Variants in ZBTB5 observed in about 807,000 individuals in gnomAD.
ZBTB5 encodes the protein zinc finger and BTB domain containing 5.
Under a neutral mutation model 37.9 loss-of-function variants are expected in ZBTB5, and 15 were observed. The ratio of observed to expected loss-of-function variants is 0.40; its 90% CI spans 0.26 to 0.61. The LOEUF (loss-of-function observed/expected upper bound fraction) is 0.61, where lower values mean the gene tolerates loss of function less well. Among genes scored for constraint, ZBTB5 ranks in the 20% least tolerant of loss-of-function variants. The probability of loss-of-function intolerance (pLI) is 0.47; values close to 1 mark genes in which losing one functional copy is unlikely to be tolerated. For missense variants in ZBTB5, 708 were observed against 856.8 expected (o/e 0.83, Z 2.17); for synonymous variants, 315 against 312.4 (o/e 1.01, Z -0.09).
rs138751675 is a variant in ZBTB5 at position 37,441,322 on chromosome 9, C to T, written c.1230G>A (p.Ser410=). ...TTCCTCTGCTCTTGTTAAGAAAATT[C>T]GAAATACTAAAAGTGGACTTATGCT... ...NLEHKSTFSI[S]NFLNKSRGNN... is the part of the protein sequence containing the mutation. Residue 410 remains serine, a synonymous_variant, in exon 2 of 2, where the codon TCG becomes TCA. Coordinates refer to ENST00000307750, the MANE Select transcript of ZBTB5 (RefSeq NM_014872.3). 22 of 1,614,068 alleles carry T rather than the reference C, an allele frequency of 1.4e-5. No homozygotes were observed. Among genetic ancestry groups the T allele is most frequent in the Non-Finnish European group, 1.6e-5 (19 of 1,180,024 alleles).
rs1823900100 is a variant in ZBTB5, at chr9:37,442,279, C to G, written c.273G>C (p.Leu91=). 6.2e-7 allele frequency: 1 copy of G among 1,614,090 alleles called. No individual in the cohort carries two copies. The part of the protein sequence containing the change: ...IDMMYTSTLM[L]GESNVMDVLL... ...AGACATCCATTACATTGCTCTCCCC[C>G]AGCATGAGGGTGGAGGTATACATCA... is the stretch of plus-strand genomic sequence containing the variant. Residue 91 remains leucine, a synonymous_variant, in exon 2 of 2, where the codon CTG becomes CTC. Coordinates refer to ENST00000307750, the MANE Select transcript of ZBTB5 (RefSeq NM_014872.3).
intron 1 of ZBTB5, among the ~76,000 whole-genome samples, chr9:37,450,174 G>A (rs958169649): frequency 6.6e-6 from 1 of 152,166 alleles, no homozygotes; most frequent in Non-Finnish European, 1.5e-5. Flanking sequence ...ACTAGAGAGA[G>A]AGCTGTTTTC....
intron 1 of ZBTB5, among the ~76,000 whole-genome samples, chr9:37,443,845 G>A (rs1022790234): frequency 1.3e-5 from 2 of 152,212 alleles, no homozygotes; most frequent in Non-Finnish European, 2.9e-5. Context: ...AGGATCACTT[G>A]AGCCTGGGAG....
intron 1 of ZBTB5, among the ~76,000 whole-genome samples, chr9:37,445,713 G>C (rs1030218043): frequency 3.3e-5 from 5 of 152,116 alleles, no homozygotes; most frequent in African/African-American, 1.2e-4. Context: ...ATTGAAAGTG[G>C]TTGCCTCTGA....
At position 37,440,500 on chromosome 9, in the gene ZBTB5, T is replaced by C; in HGVS notation, c.*18A>G. 1 of 1,610,202 alleles carries C rather than the reference T, an allele frequency of 6.2e-7. No homozygotes were observed. Among genetic ancestry groups the C allele is most frequent in the Admixed American group, 1.7e-5 (1 of 59,856 alleles). On this transcript the variant is annotated 3_prime_UTR_variant, in exon 2 of 2. Coordinates refer to ENST00000307750, the MANE Select transcript of ZBTB5 (RefSeq NM_014872.3). ...AGTCTGACAACTGGCCTCAGCGTTG[T>C]CTTGTAAGGACAAACAGCTAGAGCA...
Position 37,442,274 on chromosome 9 carries a change from T to C in ZBTB5, c.278A>G (p.Glu93Gly), listed in dbSNP as rs1432708870. The change falls in exon 2 of 2, where the codon GAG (glutamate) becomes GGG (glycine). Residue 93 changes from glutamate (E) to glycine (G), a missense_variant. Physicochemically the swap from Glu to Gly is moderately conservative, Grantham distance 98. Coordinates refer to ENST00000307750, the MANE Select transcript of ZBTB5 (RefSeq NM_014872.3). ...CAATAAGACATCCATTACATTGCTC[T>C]CCCCCAGCATGAGGGTGGAGGTATA... ...MMYTSTLMLG[E>G]SNVMDVLLAA... 2 of 1,614,118 alleles carry C rather than the reference T, an allele frequency of 1.2e-6. No homozygotes were observed.
chr9:37,449,268 A>G (rs997401495), intron 1 of ZBTB5, among the ~76,000 whole-genome samples: 10 of 152,212 alleles, frequency 6.6e-5, no homozygotes, highest in Admixed American at 6.5e-4. Context: ...TTCCAAAAAC[A>G]TAAGAGGGGT....
At chr9:37,452,679 G>T (rs1466933445) in intron 1 of ZBTB5, among the ~76,000 whole-genome samples, 1 of 152,228 alleles carries the variant, frequency 6.6e-6, no homozygotes, top group East Asian at 1.9e-4. Context: ...GCCTTAGTGT[G>T]TTCTAGCAGG....
chr9:37,464,758 G>A (rs939355330), intron 1 of ZBTB5, among the ~76,000 whole-genome samples: 4 of 152,200 alleles, frequency 2.6e-5, no homozygotes, highest in Admixed American at 2.6e-4. Flanking sequence ...CCCCTCCAGG[G>A]TCGGCCGCTG....
intron 1 of ZBTB5, among the ~76,000 whole-genome samples, chr9:37,453,580 A>AG (rs1014386504): frequency 1.3e-5 from 2 of 152,110 alleles, no homozygotes; most frequent in Non-Finnish European, 2.9e-5. Context: ...TTTCGGGGAG[A>AG]GGGGGTCCCT....
intron 1 of ZBTB5, among the ~76,000 whole-genome samples, chr9:37,454,186 T>C (rs1216759393): frequency 6.6e-6 from 1 of 152,156 alleles, no homozygotes; most frequent in African/African-American, 2.4e-5. Context: ...TTCAGTTCAT[T>C]TGGGGGATAT....
intron 1 of ZBTB5, among the ~76,000 whole-genome samples, chr9:37,459,505 T>C (rs917761054): frequency 6.6e-6 from 1 of 151,874 alleles, no homozygotes; most frequent in African/African-American, 2.4e-5. Flanking sequence ...CCAACTGATG[T>C]GTAGCATAAA....
At chr9:37,445,188 A>G (rs1218678950) in intron 1 of ZBTB5, among the ~76,000 whole-genome samples, 1 of 152,234 alleles carries the variant, frequency 6.6e-6, no homozygotes, top group African/African-American at 2.4e-5. Context: ...CACTAAACCG[A>G]ATGTGAGATA....
intron 1 of ZBTB5, among the ~76,000 whole-genome samples, chr9:37,447,741 A>C (rs544434038): frequency 6.6e-6 from 1 of 152,288 alleles, no homozygotes; most frequent in Admixed American, 6.5e-5. Context: ...GACTGACTTC[A>C]CAAATAAATA....
intron 1 of ZBTB5, among the ~76,000 whole-genome samples, chr9:37,463,370 C>T (rs1338386572): frequency 3.3e-5 from 5 of 152,046 alleles, no homozygotes; most frequent in Admixed American, 3.3e-4. Flanking sequence ...AAAAATCACA[C>T]GCTTAAAACT....
At chr9:37,455,610 C>T (rs1824172578) in intron 1 of ZBTB5, among the ~76,000 whole-genome samples, 1 of 152,196 alleles carries the variant, frequency 6.6e-6, no homozygotes, top group African/African-American at 2.4e-5. Context: ...AGCTCCTGCC[C>T]CTGCCTGTCT....
chr9:37,439,226 C>T lies in ZBTB5; in HGVS notation c.*1292G>A, dbSNP rs117163461. The T allele has an allele frequency of 3.3e-5, 5 of 152,374 alleles. No individual in the cohort carries two copies. Among genetic ancestry groups the T allele is most frequent in the African/African-American group, 1.2e-4 (5 of 41,590 alleles). 9.4% of individuals were successfully genotyped at this position (152,374 alleles called of 1,614,324 possible). On this transcript the variant is annotated 3_prime_UTR_variant, in exon 2 of 2. Coordinates refer to ENST00000307750, the MANE Select transcript of ZBTB5 (RefSeq NM_014872.3). ...CAGCCCTGATGGCAGTGTCAGAGGA[C>T]AGCAAGGTGAGGCTGGGGAAGTGAG...
intron 1 of ZBTB5, among the ~76,000 whole-genome samples, chr9:37,450,358 C>A (rs1031628156): frequency 1.3e-5 from 2 of 152,104 alleles, no homozygotes; most frequent in Non-Finnish European, 2.9e-5. Context: ...AAAGTTCTGA[C>A]CTCACAGACC....
At chr9:37,449,691 T>G (rs1198970106) in intron 1 of ZBTB5, among the ~76,000 whole-genome samples, 1 of 113,506 alleles carries the variant, frequency 8.8e-6, no homozygotes, top group Non-Finnish European at 1.7e-5. Context: ...AGTATGAGAC[T>G]CTCAAAAAAA....
Sources: gnomAD v4.1 joint callset for allele counts (sites outside exome capture counted in the v4.1 genomes callset) on GRCh38, gnomAD v4.1.1 for gene constraint, MANE v1.5 for transcripts, NCBI Gene and HGNC (gene_info 2026-07-23, HGNC 2026-07-21) for gene names.